The following TAFA1 variants were observed in gnomAD, a reference collection of about 807,000 sequenced individuals.
TAFA1 encodes the protein chemokine-like protein TAFA-1.
TAFA1 carries 4 observed loss-of-function variants against 18.5 expected under a neutral mutation model. That is an observed-to-expected ratio of 0.22 (90% CI 0.11 to 0.49). TAFA1 has a LOEUF of 0.49. Among genes scored for constraint, TAFA1 ranks in the 20% least tolerant of loss-of-function variants. The pLI is 0.98. For synonymous variants in TAFA1, 56 were observed against 55.2 expected, an observed-to-expected ratio of 1.01 and a Z score of -0.06; for missense variants, 147 against 169.0, an observed-to-expected ratio of 0.87 and a Z score of 0.72.
chr3:68,459,270 C>T (rs1178187272), intron 3 of TAFA1, among the ~76,000 whole-genome samples: 2 of 152,274 alleles, frequency 1.3e-5, no homozygotes, highest in South Asian at 2.1e-4. Context: ...ACATCCATTA[C>T]AAGTAATAAT....
chr3:68,393,389 A>C (rs1430137086), intron 2 of TAFA1, among the ~76,000 whole-genome samples: 1 of 151,830 alleles, frequency 6.6e-6, no homozygotes, highest in African/African-American at 2.4e-5. Flanking sequence ...AAAAAAAAAA[A>C]AAGCCAGGAT....
chr3:68,260,056 A>G (rs1437963900), intron 2 of TAFA1, among the ~76,000 whole-genome samples: 1 of 152,164 alleles, frequency 6.6e-6, no homozygotes. Context: ...CCCATTCAAT[A>G]TGATGTTGGC....
chr3:68,483,135 C>A (rs1575910417), intron 3 of TAFA1, among the ~76,000 whole-genome samples: 3 of 152,184 alleles, frequency 2.0e-5, no homozygotes, highest in African/African-American at 7.2e-5. Flanking sequence ...TAGTCTAGCT[C>A]AGCTATGCCA....
chr3:68,195,151 C>A (rs550620803), intron 2 of TAFA1, among the ~76,000 whole-genome samples: 3 of 151,386 alleles, frequency 2.0e-5, no homozygotes, highest in Non-Finnish European at 4.4e-5. Context: ...AATGTTCTTT[C>A]AAGCCTTACT....
chr3:68,430,214 G>T (rs6797678), intron 3 of TAFA1, among the ~76,000 whole-genome samples: 3,992 of 151,968 alleles, frequency 0.026, 165 homozygotes, highest in African/African-American at 0.089. Context: ...GAAGACTTCC[G>T]TGAAGACGTG....
chr3:68,280,514 A>G (rs2067879424), intron 2 of TAFA1, among the ~76,000 whole-genome samples: 1 of 152,166 alleles, frequency 6.6e-6, no homozygotes, highest in Non-Finnish European at 1.5e-5. Context: ...AGGATATCAT[A>G]TGGTTAAAGG....
At chr3:68,259,156 T>C (rs1203452757) in intron 2 of TAFA1, among the ~76,000 whole-genome samples, 2 of 152,192 alleles carry the variant, frequency 1.3e-5, no homozygotes, top group Admixed American at 1.3e-4. Context: ...GGGACTGCAT[T>C]TTGAATGGAA....
rs190869793 is a variant in TAFA1, at chr3:68,048,407, T to G, written c.118+41663T>G. Among the ~76,000 whole-genome samples the G allele has an allele frequency of 6.6e-5, 10 of 152,198 alleles. No homozygotes were observed. The East Asian group carries it at 1.2e-3, about 18-fold the overall frequency. On this transcript the variant is annotated intron_variant, in intron 2 of 4. Coordinates refer to ENST00000478136, the MANE Select transcript of TAFA1 (RefSeq NM_213609.4). ...ACAATGCATAATAATCACATCAGGA[T>G]AAATGAGGCATCTATCACCACAAAC...
At chr3:68,113,771 C>A (rs908348417) in intron 2 of TAFA1, among the ~76,000 whole-genome samples, 5 of 151,976 alleles carry the variant, frequency 3.3e-5, no homozygotes, top group Non-Finnish European at 7.4e-5. Context: ...TTCATTTCCT[C>A]CTTTATCCAT....
chr3:68,148,284 A>T (rs1285348714), intron 2 of TAFA1, among the ~76,000 whole-genome samples: 2 of 152,230 alleles, frequency 1.3e-5, no homozygotes, highest in Non-Finnish European at 2.9e-5. Context: ...TTGACGTAGC[A>T]TAGCAGTCTG....
At chr3:68,066,243 T>C (rs77625207) in intron 2 of TAFA1, among the ~76,000 whole-genome samples, 338 of 152,320 alleles carry the variant, frequency 2.2e-3, no homozygotes, top group Non-Finnish European at 4.0e-3. Flanking sequence ...CATTTCTGTG[T>C]TGGTGAGTGT....
rs73106857 is a variant in TAFA1 at position 68,040,579 on chromosome 3, G to A, written c.118+33835G>A. On this transcript the variant is annotated intron_variant, in intron 2 of 4. Coordinates refer to ENST00000478136, the MANE Select transcript of TAFA1 (RefSeq NM_213609.4). ...GGGACTAATGATCTACACTTATTTC[G>A]AGAAGGTTGTTAAGGTTTCCTCTAG... Among the ~76,000 whole-genome samples, 1,508 of 152,220 alleles carry A rather than the reference G, an allele frequency of 9.9e-3. 14 individuals carry two copies. The highest frequency in any genetic ancestry group is 0.017 in the Non-Finnish European group (1,189 of 68,018).
chr3:68,168,204 C>CTA (rs2066009246), intron 2 of TAFA1, among the ~76,000 whole-genome samples: 1 of 148,788 alleles, frequency 6.7e-6, no homozygotes, highest in Non-Finnish European at 1.5e-5. Context: ...ACAGGAACCA[C>CTA]TATCTCTTGT....
At chr3:68,169,656 C>T (rs962745737) in intron 2 of TAFA1, among the ~76,000 whole-genome samples, 2 of 152,156 alleles carry the variant, frequency 1.3e-5, no homozygotes, top group Non-Finnish European at 2.9e-5. Flanking sequence ...AATGAAAGTT[C>T]AAAATATTTG....
intron 2 of TAFA1, among the ~76,000 whole-genome samples, chr3:68,231,660 A>G (rs1463594785): frequency 6.6e-6 from 1 of 152,246 alleles, no homozygotes; most frequent in Admixed American, 6.5e-5. Flanking sequence ...GCGCCCGGCC[A>G]ATCTATTTGA....
intron 2 of TAFA1, among the ~76,000 whole-genome samples, chr3:68,169,796 T>A (rs767388689): frequency 1.3e-5 from 2 of 152,210 alleles, no homozygotes; most frequent in Non-Finnish European, 2.9e-5. Flanking sequence ...GAAAGGCAAC[T>A]TCAATTTGTA....
intron 2 of TAFA1, among the ~76,000 whole-genome samples, chr3:68,294,980 G>A (rs758744264): frequency 1.2e-4 from 18 of 152,222 alleles, no homozygotes; most frequent in Non-Finnish European, 2.1e-4. Flanking sequence ...CCGGTTCACA[G>A]GGAAGAATCT....
chr3:68,330,742 A>G (rs2068853250), intron 2 of TAFA1, among the ~76,000 whole-genome samples: 1 of 152,164 alleles, frequency 6.6e-6, no homozygotes, highest in African/African-American at 2.4e-5. Flanking sequence ...TGTTTTATTC[A>G]TTTATTTGGT....
intron 2 of TAFA1, among the ~76,000 whole-genome samples, chr3:68,326,236 C>T (rs2068775717): frequency 6.6e-6 from 1 of 152,124 alleles, no homozygotes; most frequent in South Asian, 2.1e-4. Context: ...TTTACTGATA[C>T]TATTATTGAA....
Sources: gnomAD v4.1 joint callset for allele counts (sites outside exome capture counted in the v4.1 genomes callset) on GRCh38, gnomAD v4.1.1 for gene constraint, MANE v1.5 for transcripts, NCBI Gene and HGNC (gene_info 2026-07-23, HGNC 2026-07-21) for gene names.